TBCK: variants seen among roughly 807,000 people sequenced by gnomAD.
The protein encoded by TBCK is TBC domain-containing protein kinase-like protein.
A neutral mutation model predicts 113.4 loss-of-function variants in TBCK; 99 were observed. That is an observed-to-expected ratio of 0.87 (90% CI 0.74 to 1.03). The LOEUF is 1.03. Ranked by LOEUF, TBCK falls within the 50% of genes least tolerant of loss-of-function variation. TBCK has a pLI of 0.00. For missense variants in TBCK, 1,045 were observed against 1,061.3 expected (o/e 0.98, Z 0.21); for synonymous variants, 369 against 370.8 (o/e 1.00, Z 0.05).
intron 23 of TBCK, among the ~76,000 whole-genome samples, chr4:106,167,321 CA>C (rs1379132757): frequency 1.3e-5 from 2 of 150,234 alleles, no homozygotes; most frequent in Non-Finnish European, 3.0e-5. Flanking sequence ...ACACATAGGT[CA>C]AAATATTAAC....
At chr4:106,122,377 T>A (rs1744530555) in intron 23 of TBCK, among the ~76,000 whole-genome samples, 1 of 152,170 alleles carries the variant, frequency 6.6e-6, no homozygotes, top group Non-Finnish European at 1.5e-5. Flanking sequence ...ATTGTGGCAA[T>A]AATCAATAGT....
At chr4:106,214,346 C>A (rs1437887414) in intron 19 of TBCK, among the ~76,000 whole-genome samples, 2 of 152,230 alleles carry the variant, frequency 1.3e-5, no homozygotes, top group Non-Finnish European at 2.9e-5. Flanking sequence ...TCCTCACCAG[C>A]AACGGAACAC....
chr4:106,205,587 CAAAAAAAAAAAAAAAAA>C (rs70941240), intron 20 of TBCK, among the ~76,000 whole-genome samples: 1 of 64,200 alleles, frequency 1.6e-5, no homozygotes, highest in Admixed American at 2.1e-4. Flanking sequence ...ACTAAAAATA[CAAAAAAAAAAAAAAAAA>C]AAAAAAAAAA....
At chr4:106,102,788 T>C (rs1484309562) in intron 24 of TBCK, among the ~76,000 whole-genome samples, 2 of 152,150 alleles carry the variant, frequency 1.3e-5, no homozygotes, top group Non-Finnish European at 2.9e-5. Flanking sequence ...ATTTCAAAAA[T>C]AATTTGCTTC....
chr4:106,253,756 G>T (rs1761681268), intron 5 of TBCK, among the ~76,000 whole-genome samples: 1 of 152,160 alleles, frequency 6.6e-6, no homozygotes, highest in Non-Finnish European at 1.5e-5. Flanking sequence ...TGTGTGATAT[G>T]CCCATTCAAG....
At chr4:106,162,165 C>CA (rs1487248338) in intron 23 of TBCK, among the ~76,000 whole-genome samples, 1 of 152,162 alleles carries the variant, frequency 6.6e-6, no homozygotes, top group Non-Finnish European at 1.5e-5. Flanking sequence ...CTACAGGCCT[C>CA]ATGCAAGTCC....
intron 2 of TBCK, among the ~76,000 whole-genome samples, chr4:106,301,045 AGCTTGTCCTTCTT>A: frequency 6.6e-6 from 1 of 152,162 alleles, no homozygotes; most frequent in East Asian, 1.9e-4. Flanking sequence ...CCAAGAGTTC[AGCTTGTCCTTCTT>A]GAAGACCTGC....
At chr4:106,168,919 C>T (rs1437013815) in intron 23 of TBCK, among the ~76,000 whole-genome samples, 2 of 151,654 alleles carry the variant, frequency 1.3e-5, no homozygotes, top group Non-Finnish European at 2.9e-5. Context: ...ATCCATAATC[C>T]AAAATGTTCC....
intron 25 of TBCK, 111 bp from the exon 26 acceptor site, chr4:106,046,791 C>A (rs1425852423): frequency 1.2e-5 from 7 of 573,732 alleles, no homozygotes; most frequent in Non-Finnish European, 2.1e-5. Flanking sequence ...ATGATTGCTG[C>A]CACCACTGTA....
chr4:106,294,683 G>A (rs112396008), intron 3 of TBCK, among the ~76,000 whole-genome samples: 4,092 of 151,714 alleles, frequency 0.027, 175 homozygotes, highest in African/African-American at 0.094. Flanking sequence ...GGGTTTCACC[G>A]TGTTAGCCAG....
In TBCK at chr4:106,193,789, A is replaced by G. The variant is rs781242901; in HGVS notation, c.1898-19T>C. On this transcript the variant is annotated intron_variant, in intron 21 of 25. Coordinates refer to ENST00000394708, the MANE Select transcript of TBCK (RefSeq NM_001163435.3). ...AATACATCTGTAAAACGATAAAAAT[A>G]CAAATAAATTAAAAAACCAAAATAA... The G allele has an allele frequency of 6.7e-7, 1 of 1,485,354 alleles. No homozygotes were observed. The highest frequency in any genetic ancestry group is 1.4e-5 in the South Asian group (1 of 73,124). 92.0% of individuals were successfully genotyped at this position (1,485,354 alleles called of 1,614,324 possible).
At chr4:106,128,425 G>A (rs1347617483) in intron 23 of TBCK, among the ~76,000 whole-genome samples, 1 of 152,022 alleles carries the variant, frequency 6.6e-6, no homozygotes, top group African/African-American at 2.4e-5. Flanking sequence ...AATAATCCGA[G>A]GAAAATCCAA....
At chr4:106,294,791 T>C (rs951224324) in intron 3 of TBCK, among the ~76,000 whole-genome samples, 1 of 152,134 alleles carries the variant, frequency 6.6e-6, no homozygotes, top group African/African-American at 2.4e-5. Context: ...AGGAAAATAA[T>C]CTTAATCTCA....
intron 5 of TBCK, among the ~76,000 whole-genome samples, chr4:106,255,785 C>T (rs1489684139): frequency 6.6e-6 from 1 of 152,086 alleles, no homozygotes; most frequent in Non-Finnish European, 1.5e-5. Context: ...AAATTCTTGT[C>T]CTGCATCCAA....
At chr4:106,196,589 T>G (rs1346847350) in intron 20 of TBCK, among the ~76,000 whole-genome samples, 2 of 151,990 alleles carry the variant, frequency 1.3e-5, no homozygotes, top group Non-Finnish European at 2.9e-5. Context: ...TAAAACCCAC[T>G]CATCTCCACC....
chr4:106,235,631 G>A (rs1243915313), intron 14 of TBCK, among the ~76,000 whole-genome samples: 1 of 151,930 alleles, frequency 6.6e-6, no homozygotes, highest in Non-Finnish European at 1.5e-5. Context: ...TCTATTTGAT[G>A]CTCTGGGGGG....
At chr4:106,306,977 TATC>T (rs1767593136) in intron 2 of TBCK, among the ~76,000 whole-genome samples, 1 of 152,228 alleles carries the variant, frequency 6.6e-6, no homozygotes, top group South Asian at 2.1e-4. Flanking sequence ...AATTTTTTTT[TATC>T]ATCTGCTAGA....
chr4:106,204,797 C>T (rs1463351925), intron 20 of TBCK, among the ~76,000 whole-genome samples: 10 of 122,056 alleles, frequency 8.2e-5, no homozygotes, highest in African/African-American at 2.5e-4. Context: ...CTCGCTCTGT[C>T]GCCCAGGCCG....
intron 23 of TBCK, among the ~76,000 whole-genome samples, chr4:106,160,365 A>G (rs57894506): frequency 0.018 from 2,774 of 151,964 alleles, 80 homozygotes; most frequent in African/African-American, 0.061. Context: ...TGCAAATCAT[A>G]TATTTAATAT....
Sources: allele counts gnomAD v4.1 joint callset (sites outside exome capture counted in the v4.1 genomes callset), GRCh38; gene constraint gnomAD v4.1.1; transcripts MANE v1.5; gene names NCBI Gene and HGNC (gene_info 2026-07-23, HGNC 2026-07-21).